Variants in ST6GAL1 observed in about 807,000 individuals in gnomAD.
ST6GAL1 encodes ST6 beta-galactoside alpha-2,6-sialyltransferase 1.
A neutral mutation model predicts 38.0 loss-of-function variants in ST6GAL1; 20 were observed. The ratio of observed to expected loss-of-function variants is 0.53; its 90% CI spans 0.37 to 0.77. The LOEUF (loss-of-function observed/expected upper bound fraction) is 0.77, where lower values mean the gene tolerates loss of function less well. Among genes scored for constraint, ST6GAL1 ranks in the 30% least tolerant of loss-of-function variants. The probability of loss-of-function intolerance (pLI) is 0.00; values close to 1 mark genes in which losing one functional copy is unlikely to be tolerated. For missense variants in ST6GAL1, 432 were observed against 496.4 expected (o/e 0.87, Z 1.23); for synonymous variants, 196 against 188.2 (o/e 1.04, Z -0.34).
At chr3:186,995,530 A>AGAAAG (rs1255754400) in intron 2 of ST6GAL1, among the ~76,000 whole-genome samples, 6 of 129,028 alleles carry the variant, frequency 4.7e-5, no homozygotes, top group African/African-American at 1.9e-4. Context: ...AATAAAATAA[A>AGAAAG]AAAAAAATAA....
At chr3:186,956,696 G>T (rs1239855934) in intron 1 of ST6GAL1, among the ~76,000 whole-genome samples, 2 of 152,170 alleles carry the variant, frequency 1.3e-5, no homozygotes, top group Non-Finnish European at 2.9e-5. Context: ...GATATTTAGG[G>T]TGTTCCAAAC....
intron 2 of ST6GAL1, among the ~76,000 whole-genome samples, chr3:186,965,524 G>A (rs1253948889): frequency 1.3e-5 from 2 of 152,192 alleles, no homozygotes; most frequent in Non-Finnish European, 2.9e-5. Flanking sequence ...TTGTAGAATT[G>A]TAGGTTCAGA....
chr3:187,069,170 C>G (rs1719276987), intron 5 of ST6GAL1, among the ~76,000 whole-genome samples: 1 of 151,268 alleles, frequency 6.6e-6, no homozygotes, highest in Admixed American at 6.6e-5. Flanking sequence ...GAGTCTCGCT[C>G]TGTCGCCAGG....
intron 1 of ST6GAL1, among the ~76,000 whole-genome samples, chr3:186,941,524 C>T (rs1050911250): frequency 8.6e-5 from 13 of 151,924 alleles, no homozygotes; most frequent in Non-Finnish European, 1.3e-4. Flanking sequence ...CCTTTTCATG[C>T]GGAAGAAATC....
Position 187,078,513 on chromosome 3 carries a change from T to C in ST6GAL1, c.*2710T>C, listed in dbSNP as rs1426494077. 6.6e-6 allele frequency: 1 copy of C among 152,158 alleles called. No individual in the cohort carries two copies. Among genetic ancestry groups the C allele is most frequent in the African/African-American group, 2.4e-5 (1 of 41,428 alleles). The allele number at this position is 152,158 out of a possible 1,614,324, so 9.4% of individuals were successfully genotyped here. A position where few individuals can be genotyped will look rare whatever the true frequency, so the allele number is the denominator to read the frequency against. ...AAAAATGCTAATAATTACCCAAGGA[T>C]TATGTCAAATTTTAAAATAAATGTG... is the stretch of plus-strand genomic sequence containing the variant. On this transcript the variant is annotated 3_prime_UTR_variant, in exon 8 of 8. Transcript: ENST00000169298.
At chr3:187,020,948 A>G (rs182435465) in intron 2 of ST6GAL1, among the ~76,000 whole-genome samples, 1 of 150,170 alleles carries the variant, frequency 6.7e-6, no homozygotes, top group East Asian at 2.0e-4. Context: ...GTGTTAGGAT[A>G]TATGTATTGG....
Position 187,076,651 on chromosome 3 carries a change from C to T in ST6GAL1, c.*848C>T. The T allele has an allele frequency of 2.5e-6, 1 of 395,432 alleles. No individual in the cohort carries two copies. Among genetic ancestry groups the T allele is most frequent in the Non-Finnish European group, 4.4e-6 (1 of 224,748 alleles). 24.5% of individuals were successfully genotyped at this position (395,432 alleles called of 1,614,324 possible). On this transcript the variant is annotated 3_prime_UTR_variant, in exon 8 of 8. Transcript: ENST00000169298. ...AGAGAAGGCTTTATAGCACAGGGGGCATTCAGATGAGTCTTAGAGGAAGAG... is the reference window on the plus strand; with the variant it reads ...AGAGAAGGCTTTATAGCACAGGGGGTATTCAGATGAGTCTTAGAGGAAGAG...
At chr3:187,045,773 A>C (rs6804130) in intron 4 of ST6GAL1, among the ~76,000 whole-genome samples, 85,220 of 152,096 alleles carry the variant, frequency 0.56, 25,987 homozygotes, top group African/African-American at 0.81. Flanking sequence ...ATTATGTTAA[A>C]AATTTTCTTC....
At chr3:186,994,209 C>A (rs1225920235) in intron 2 of ST6GAL1, among the ~76,000 whole-genome samples, 1 of 152,204 alleles carries the variant, frequency 6.6e-6, no homozygotes. Context: ...GCCCACAGTT[C>A]TGACAGCCTC....
chr3:186,984,801 T>TTCTCTCCCTCCC (rs1560151098), intron 2 of ST6GAL1, among the ~76,000 whole-genome samples: 1 of 30,734 alleles, frequency 3.3e-5, no homozygotes, highest in Non-Finnish European at 6.8e-5. Context: ...CCTTCCTTCC[T>TTCTCTCCCTCCC]TCCATCCTTC....
At chr3:186,971,223 G>C (rs761902324) in intron 2 of ST6GAL1, among the ~76,000 whole-genome samples, 2 of 147,934 alleles carry the variant, frequency 1.4e-5, no homozygotes, top group Non-Finnish European at 2.9e-5. Flanking sequence ...TGAGTAGCTG[G>C]GATTACAGGT....
chr3:187,046,447 T>A (rs963945965), intron 4 of ST6GAL1, among the ~76,000 whole-genome samples: 6 of 152,198 alleles, frequency 3.9e-5, no homozygotes, highest in Admixed American at 2.0e-4. Flanking sequence ...GATTTACAAG[T>A]CATTTGTATC....
chr3:187,067,791 C>CTAACTGTGCT (rs1182987786), intron 5 of ST6GAL1, among the ~76,000 whole-genome samples: 1 of 152,182 alleles, frequency 6.6e-6, no homozygotes, highest in East Asian at 1.9e-4. Context: ...GGCTCTGGTT[C>CTAACTGTGCT]TAACTGTGCC....
At chr3:186,940,545 G>A (rs1483365381) in intron 1 of ST6GAL1, among the ~76,000 whole-genome samples, 1 of 152,230 alleles carries the variant, frequency 6.6e-6, no homozygotes, top group Non-Finnish European at 1.5e-5. Context: ...TTTGAATGCG[G>A]CCCAACACAA....
intron 2 of ST6GAL1, among the ~76,000 whole-genome samples, chr3:187,036,997 A>G (rs1418590588): frequency 6.6e-5 from 10 of 152,230 alleles, no homozygotes; most frequent in Admixed American, 6.5e-4. Flanking sequence ...CATCAGAACT[A>G]TGTAATGTAG....
intron 1 of ST6GAL1, among the ~76,000 whole-genome samples, chr3:186,935,356 G>A (rs1422194151): frequency 6.7e-6 from 1 of 149,270 alleles, no homozygotes; most frequent in Admixed American, 6.7e-5. Flanking sequence ...TTTTATGGCT[G>A]CATAGTATTC....
intron 3 of ST6GAL1, among the ~76,000 whole-genome samples, 156 bp downstream of exon 3, chr3:187,039,029 C>G (rs1718034965): frequency 6.6e-6 from 1 of 152,122 alleles, no homozygotes; most frequent in African/African-American, 2.4e-5. Context: ...TCTTTAACTG[C>G]TGATTCAATG....
intron 1 of ST6GAL1, among the ~76,000 whole-genome samples, chr3:186,940,428 A>G (rs1019270107): frequency 6.6e-6 from 1 of 152,150 alleles, no homozygotes; most frequent in African/African-American, 2.4e-5. Flanking sequence ...ACACATTTAT[A>G]TATGTATTTG....
chr3:187,018,842 C>G (rs983766760), intron 2 of ST6GAL1, among the ~76,000 whole-genome samples: 4 of 152,192 alleles, frequency 2.6e-5, no homozygotes, highest in African/African-American at 9.7e-5. Context: ...CACAAAGTTA[C>G]GATTATTGGA....
Sources: gnomAD v4.1 joint callset for allele counts (sites outside exome capture counted in the v4.1 genomes callset) on GRCh38, gnomAD v4.1.1 for gene constraint, MANE v1.5 for transcripts, NCBI Gene and HGNC (gene_info 2026-07-23, HGNC 2026-07-21) for gene names.